The following DDX1 variants were observed in gnomAD, a reference collection of about 807,000 sequenced individuals.
The protein encoded by DDX1 is ATP-dependent RNA helicase DDX1.
A neutral mutation model predicts 108.7 loss-of-function variants in DDX1; 28 were observed. That is an observed-to-expected ratio of 0.26 (90% CI 0.19 to 0.35). The LOEUF is 0.35. Among genes scored for constraint, DDX1 ranks in the 10% least tolerant of loss-of-function variants. The pLI, the probability that DDX1 is intolerant of heterozygous loss-of-function variation, is 1.00. For missense variants in DDX1, 710 were observed against 884.5 expected (o/e 0.80, Z 2.50); for synonymous variants, 295 against 288.9 (o/e 1.02, Z -0.21).
chr2:15,592,147 C>T (rs986186780), intron 1 of DDX1, among the ~76,000 whole-genome samples, 198 bp downstream of exon 1: 4 of 152,216 alleles, frequency 2.6e-5, no homozygotes, highest in African/African-American at 9.6e-5. Flanking sequence ...CGATTCTTCC[C>T]AGGAGCGGGC....
Position 15,602,591 on chromosome 2 carries a change from G to T in DDX1, c.351G>T (p.Lys117Asn), listed in dbSNP as rs1665604198. The T allele has an allele frequency of 1.2e-6, 2 of 1,613,694 alleles. No individual in the cohort carries two copies. Among genetic ancestry groups the T allele is most frequent in the African/African-American group, 1.3e-5 (1 of 74,932 alleles). ...DGLCCQSREV[K>N]EWHGCRATKG... Reference sequence around the variant, plus strand: ...TTTGTTGTCAAAGCAGAGAAGTAAAGGAATGGCATGGGTGTAGAGCTACTA... The same window carrying T: ...TTTGTTGTCAAAGCAGAGAAGTAAATGAATGGCATGGGTGTAGAGCTACTA... Residue 117 changes from lysine (K) to asparagine (N), a missense_variant, in exon 7 of 26, where the codon AAG becomes AAT. This residue lies in a region of DDX1 where 661 missense variants were observed against 810.2 expected (regional missense o/e 0.82). Coordinates refer to ENST00000233084, the MANE Select transcript of DDX1 (RefSeq NM_004939.3).
intron 5 of DDX1, among the ~76,000 whole-genome samples, chr2:15,598,959 A>G (rs1324231724): frequency 1.3e-5 from 2 of 152,230 alleles, no homozygotes; most frequent in East Asian, 3.8e-4. Flanking sequence ...TTACAAGATA[A>G]TTAGACTCTG....
Position 15,603,228 on chromosome 2 carries a change from G to T in DDX1, c.428G>T (p.Gly143Val). ...HYYEVSCHDQGLCRVGWSTMQ... is the reference protein window; with the variant it reads ...HYYEVSCHDQVLCRVGWSTMQ... ...TATGAAGTATCCTGTCATGACCAAGGGTTATGCAGGGTCGGGTGGTCTACC... is the reference window on the plus strand; with the variant it reads ...TATGAAGTATCCTGTCATGACCAAGTGTTATGCAGGGTCGGGTGGTCTACC... The change falls in exon 8 of 26, where the codon GGG becomes GTG. Residue 143 changes from glycine (G) to valine (V), a missense_variant. Gly to Val is a moderately radical substitution (Grantham distance 109). This residue lies in a region of DDX1 where 661 missense variants were observed against 810.2 expected (regional missense o/e 0.82). Coordinates refer to ENST00000233084, the MANE Select transcript of DDX1 (RefSeq NM_004939.3). 1 of 1,613,634 alleles carries T rather than the reference G, an allele frequency of 6.2e-7. No homozygotes were observed.
At chr2:15,599,917 T>C (rs1665562451) in intron 6 of DDX1, among the ~76,000 whole-genome samples, 1 of 152,194 alleles carries the variant, frequency 6.6e-6, no homozygotes, top group African/African-American at 2.4e-5. Context: ...TGAGAAGTTA[T>C]ATGCAGGAAA....
Position 15,606,118 on chromosome 2 carries a change from G to T in DDX1, c.703-32G>T, listed in dbSNP as rs753671741. 25 of 1,591,394 alleles carry T rather than the reference G, an allele frequency of 1.6e-5. 1 individual carries two copies. In the South Asian group the frequency reaches 2.7e-4, roughly 17 times the overall value. On this transcript the variant is annotated intron_variant, in intron 11 of 25. Coordinates refer to ENST00000233084, the MANE Select transcript of DDX1 (RefSeq NM_004939.3). The stretch of plus-strand genomic sequence containing the variant: ...ATACGATGGTTTTCAATTAGGGTAG[G>T]AATTTTAATTTTCTGTTTTATTCAA...
intron 25 of DDX1, 74 bp downstream of exon 25, chr2:15,630,184 G>T: frequency 6.9e-7 from 1 of 1,443,548 alleles, no homozygotes; most frequent in Non-Finnish European, 9.7e-7. Context: ...TGGGAAGGCA[G>T]TACTTTCATT....
chr2:15,607,662 C>A (rs1665687417), intron 13 of DDX1, among the ~76,000 whole-genome samples: 1 of 152,124 alleles, frequency 6.6e-6, no homozygotes, highest in Non-Finnish European at 1.5e-5. Context: ...TTGTAGCTCA[C>A]TGCAACCTTG....
intron 14 of DDX1, among the ~76,000 whole-genome samples, chr2:15,616,849 T>A (rs145722937): frequency 2.5e-4 from 38 of 152,256 alleles, no homozygotes; most frequent in African/African-American, 8.9e-4. Flanking sequence ...ATTCCCCCAA[T>A]TCAAAAATGG....
At chr2:15,593,144 A>G (rs1407130749) in intron 1 of DDX1, among the ~76,000 whole-genome samples, 1 of 151,890 alleles carries the variant, frequency 6.6e-6, no homozygotes, top group African/African-American at 2.4e-5. Context: ...CTGGTCTCGA[A>G]CTCCTGACCT....
At chr2:15,615,373 G>A (rs570911582) in intron 14 of DDX1, among the ~76,000 whole-genome samples, 15 of 152,214 alleles carry the variant, frequency 9.9e-5, no homozygotes, top group Non-Finnish European at 1.3e-4. Flanking sequence ...GCTGAAATTC[G>A]GAAGGAGGAA....
In DDX1 at chr2:15,628,662, A is replaced by T; in HGVS notation, c.1784A>T (p.Glu595Val). The T allele has an allele frequency of 6.2e-7, 1 of 1,613,054 alleles. No individual in the cohort carries two copies. The highest frequency in any genetic ancestry group is 1.1e-5 in the South Asian group (1 of 90,924). Residue 595 changes from glutamate to valine, a missense_variant, in exon 22 of 26, where the codon GAA becomes GTA. Around this residue, in one of 3 missense-constraint regions of DDX1, gnomAD observed 661 missense variants for 810.2 expected, o/e 0.82. Transcript: ENST00000233084. ...PYVINVTLPDEKQNYVHRIGR... is the reference protein window; with the variant it reads ...PYVINVTLPDVKQNYVHRIGR... ...GTTATAAATGTCACTCTGCCCGATG[A>T]AAAGCAAAACTACGTACATCGAATT...
chr2:15,602,525 C>T (rs762581799), intron 6 of DDX1, 23 bp from the exon 7 acceptor site: 3 of 1,591,098 alleles, frequency 1.9e-6, no homozygotes, highest in Admixed American at 3.3e-5. Context: ...ACGTGTTTTT[C>T]TGTGTTTTCT....
chr2:15,608,168 GTTAATT>G (rs775082484), intron 13 of DDX1, among the ~76,000 whole-genome samples: 68 of 152,212 alleles, frequency 4.5e-4, no homozygotes, highest in Non-Finnish European at 7.8e-4. Context: ...CTTGATTTTT[GTTAATT>G]TTGTCTTTAA....
chr2:15,597,962 T>G (rs889172296), intron 5 of DDX1, among the ~76,000 whole-genome samples: 1 of 152,126 alleles, frequency 6.6e-6, no homozygotes, highest in African/African-American at 2.4e-5. Flanking sequence ...TGCAGTCCTA[T>G]CTACATGGAA....
At chr2:15,609,954 G>T (rs558889519) in intron 13 of DDX1, among the ~76,000 whole-genome samples, 232 of 152,178 alleles carry the variant, frequency 1.5e-3, no homozygotes, top group African/African-American at 4.7e-3. Flanking sequence ...TTTTATTTTT[G>T]AGATGAGGTC....
At position 15,607,231 on chromosome 2, in the gene DDX1, G is replaced by A; in HGVS notation, c.874G>A (p.Val292Ile). Residue 292 changes from valine to isoleucine, a missense_variant, in exon 13 of 26, where the codon GTT becomes ATT. Around this residue, in one of 3 missense-constraint regions of DDX1, gnomAD observed 661 missense variants for 810.2 expected, o/e 0.82. Transcript: ENST00000233084. ...FLPNAPKALI[V>I]EPSRELAEQT... ...CCCCAATGCTCCGAAAGCTCTCATTGTTGAACCTTCCCGGGAGTTAGCTGA... is the reference window on the plus strand; with the variant it reads ...CCCCAATGCTCCGAAAGCTCTCATTATTGAACCTTCCCGGGAGTTAGCTGA... 1 of 1,613,950 alleles carries A rather than the reference G, an allele frequency of 6.2e-7. No homozygotes were observed. The highest frequency in any genetic ancestry group is 8.5e-7 in the Non-Finnish European group (1 of 1,179,858).
At position 15,618,313 on chromosome 2, in the gene DDX1, T is replaced by A. The variant is rs183876397; in HGVS notation, c.1206+43T>A. The A allele has an allele frequency of 9.3e-3, 9,578 of 1,028,358 alleles. 88 individuals are homozygous for A. Among genetic ancestry groups the A allele is most frequent in the Non-Finnish European group, 0.01 (6,656 of 660,010 alleles). 63.7% of individuals were successfully genotyped at this position (1,028,358 alleles called of 1,614,324 possible). A position where few individuals can be genotyped will look rare whatever the true frequency, so the allele number is the denominator to read the frequency against. ...GCATCTTAAAATGCATGTAAACAAT[T>A]GTTATGTATAATGTTACGGGATCCC... On this transcript the variant is annotated intron_variant, in intron 16 of 25. Coordinates refer to ENST00000233084, the MANE Select transcript of DDX1 (RefSeq NM_004939.3).
chr2:15,594,646 T>C (rs1665470641), intron 1 of DDX1, among the ~76,000 whole-genome samples: 3 of 152,214 alleles, frequency 2.0e-5, no homozygotes, highest in Non-Finnish European at 4.4e-5. Context: ...ATGTGGGTGC[T>C]CGCCACTTGT....
intron 14 of DDX1, among the ~76,000 whole-genome samples, chr2:15,614,133 A>T (rs1665852212): frequency 6.6e-6 from 1 of 152,196 alleles, no homozygotes; most frequent in African/African-American, 2.4e-5. Context: ...AGTTTAGGAA[A>T]TTTTTAACTG....
Sources: gnomAD v4.1 joint callset for allele counts (sites outside exome capture counted in the v4.1 genomes callset) on GRCh38, gnomAD v4.1.1 for gene constraint, gnomAD v4.1.1 regional missense constraint, MANE v1.5 for transcripts, NCBI Gene and HGNC (gene_info 2026-07-23, HGNC 2026-07-21) for gene names.